Variants in WDFY4 observed in about 807,000 individuals in gnomAD.
WDFY4 encodes the protein WD repeat- and FYVE domain-containing protein 4.
WDFY4 carries 169 observed loss-of-function variants against 351.9 expected under a neutral mutation model. The ratio of observed to expected loss-of-function variants is 0.48; its 90% CI spans 0.42 to 0.55. WDFY4 has a LOEUF of 0.55. WDFY4 is among the 20% of genes least tolerant of loss of function. The pLI, the probability that WDFY4 is intolerant of heterozygous loss-of-function variation, is 0.00. For synonymous variants in WDFY4, 1,622 were observed against 1,574.6 expected (o/e 1.03, Z -0.71); for missense variants, 3,803 against 3,935.6 (o/e 0.97, Z 0.90).
intron 6 of WDFY4, among the ~76,000 whole-genome samples, chr10:48,726,684 A>G (rs2064279353): frequency 6.6e-6 from 1 of 152,194 alleles, no homozygotes. Context: ...TGGGGATAAT[A>G]ATGCTGCTGA....
intron 4 of WDFY4, among the ~76,000 whole-genome samples, chr10:48,723,144 A>C (rs1481506444): frequency 6.6e-4 from 80 of 121,178 alleles, no homozygotes; most frequent in African/African-American, 9.5e-4. Flanking sequence ...CCTCCTTTCC[A>C]CCCTCCCTCC....
At chr10:48,973,306 T>G (rs1842413733) in intron 57 of WDFY4, among the ~76,000 whole-genome samples, 1 of 152,238 alleles carries the variant, frequency 6.6e-6, no homozygotes. Context: ...TGCTTTCTCC[T>G]GCTCACTTAG....
intron 47 of WDFY4, among the ~76,000 whole-genome samples, chr10:48,930,354 T>C (rs943954523): frequency 3.3e-5 from 5 of 152,248 alleles, no homozygotes; most frequent in Admixed American, 1.3e-4. Flanking sequence ...TGTTGGTCAC[T>C]GAGTGTGTAC....
intron 1 of WDFY4, among the ~76,000 whole-genome samples, chr10:48,698,887 TG>T (rs1157412564): frequency 1.3e-5 from 2 of 152,190 alleles, no homozygotes; most frequent in East Asian, 3.8e-4. Flanking sequence ...TTGTGGCGGC[TG>T]GCAAGTTTGA....
At chr10:48,823,086 T>C (rs921595795) in intron 35 of WDFY4, 5 of 1,262,280 alleles carry the variant, frequency 4.0e-6, no homozygotes, top group African/African-American at 3.1e-5. Context: ...AGGGCCATCA[T>C]TGAATGTAGG....
intron 14 of WDFY4, among the ~76,000 whole-genome samples, chr10:48,774,873 C>A (rs570986361): frequency 9.9e-4 from 150 of 152,266 alleles, no homozygotes; most frequent in African/African-American, 3.3e-3. Flanking sequence ...AGACATAGCC[C>A]CCTCTAATGG....
intron 47 of WDFY4, among the ~76,000 whole-genome samples, chr10:48,906,816 A>C (rs76417143): frequency 0.016 from 2,512 of 152,348 alleles, 71 homozygotes; most frequent in African/African-American, 0.055. Context: ...AAGGGGAAAA[A>C]ATAGGTGTGG....
In WDFY4 at chr10:48,684,952, G is replaced by C. The variant is rs1317670321; in HGVS notation, c.-67G>C. On this transcript the variant is annotated 5_prime_UTR_variant, in exon 1 of 62. Transcript: ENST00000325239. ...GCCTGAGGGGCTGCAGCTGGGGATA[G>C]GGGGCCCATGCCTTCTGATGTCTAC... is the stretch of plus-strand genomic sequence containing the variant. The C allele has an allele frequency of 6.6e-6, 1 of 152,546 alleles. No individual in the cohort carries two copies. Among genetic ancestry groups the C allele is most frequent in the Non-Finnish European group, 1.5e-5 (1 of 68,274 alleles). 9.4% of individuals were successfully genotyped at this position (152,546 alleles called of 1,614,324 possible).
intron 1 of WDFY4, among the ~76,000 whole-genome samples, chr10:48,689,672 A>T (rs1368696141): frequency 3.9e-5 from 6 of 152,180 alleles, no homozygotes; most frequent in Admixed American, 3.9e-4. Context: ...GAGGAATGAT[A>T]CTTCTTGTTT....
At chr10:48,968,982 G>T in intron 55 of WDFY4, 82 bp from the exon 56 acceptor site, 2 of 1,412,986 alleles carry the variant, frequency 1.4e-6, no homozygotes, top group Non-Finnish European at 1.9e-6. Context: ...CAGTGTGTCT[G>T]CCTGTGACTC....
rs116436547 is a variant in WDFY4 at position 48,955,337 on chromosome 10, G to A, written c.7978-1792G>A. On this transcript the variant is annotated intron_variant, in intron 51 of 61. Transcript: ENST00000325239. ...TGCTTGAGTCAGTGTCCCTGTCCCT[G>A]TGTGGGGAATGACCCACAGATCTCA... is the stretch of plus-strand genomic sequence containing the variant. 3.8e-3 allele frequency among the ~76,000 whole-genome samples: 586 copies of A among 152,332 alleles called. 4 individuals carry two copies. The highest frequency in any genetic ancestry group is 0.014 in the African/African-American group (571 of 41,564).
Position 48,776,945 on chromosome 10 carries a change from C to T in WDFY4, c.3059C>T (p.Pro1020Leu). ...NLQPQRAALA[P>L]SFVEFDMSVE... ...CAGCCTCAGAGGGCAGCCCTGGCCC[C>T]ATCGTTTGTGGAATTTGACATGTCC... Residue 1020 changes from proline to leucine, a missense_variant, in exon 16 of 62, where the codon CCA becomes CTA. By Grantham distance (98) the Pro-to-Leu change is moderately conservative. Transcript: ENST00000325239. 2 of 1,552,336 alleles carry T rather than the reference C, an allele frequency of 1.3e-6. No individual in the cohort carries two copies. Among genetic ancestry groups the T allele is most frequent in the Non-Finnish European group, 1.7e-6 (2 of 1,147,124 alleles).
intron 37 of WDFY4, among the ~76,000 whole-genome samples, chr10:48,829,537 G>T (rs2620897): frequency 0.055 from 8,412 of 152,144 alleles, 479 homozygotes; most frequent in African/African-American, 0.15. Context: ...CACTTACCTA[G>T]TCATATGTTG....
intron 1 of WDFY4, among the ~76,000 whole-genome samples, chr10:48,696,414 G>T (rs548507615): frequency 6.6e-6 from 1 of 152,360 alleles, no homozygotes; most frequent in African/African-American, 2.4e-5. Flanking sequence ...CCCCAACACA[G>T]GCTTGGTCTT....
chr10:48,789,785 C>T, intron 21 of WDFY4, 89 bp from the exon 22 acceptor site: 1 of 1,229,464 alleles, frequency 8.1e-7, no homozygotes, highest in Non-Finnish European at 1.2e-6. Flanking sequence ...CTGGGCCAGG[C>T]CCCAGAGGGC....
At chr10:48,713,861 G>T (rs1258728054) in intron 2 of WDFY4, among the ~76,000 whole-genome samples, 1 of 152,166 alleles carries the variant, frequency 6.6e-6, no homozygotes, top group East Asian at 1.9e-4. Flanking sequence ...TAAGCAACCT[G>T]TATATTAGAA....
chr10:48,922,656 G>T (rs575644448), intron 47 of WDFY4, among the ~76,000 whole-genome samples: 1 of 152,254 alleles, frequency 6.6e-6, no homozygotes, highest in East Asian at 1.9e-4. Flanking sequence ...ATTCAATGGG[G>T]GTCTTAGAAC....
chr10:48,735,153 T>A (rs938339460), intron 10 of WDFY4, among the ~76,000 whole-genome samples: 10 of 152,220 alleles, frequency 6.6e-5, no homozygotes, highest in African/African-American at 2.4e-4. Context: ...TAGCCCATAA[T>A]TGGAAAAATC....
At chr10:48,847,979 A>T (rs1291977959) in intron 39 of WDFY4, among the ~76,000 whole-genome samples, 1 of 152,104 alleles carries the variant, frequency 6.6e-6, no homozygotes, top group Non-Finnish European at 1.5e-5. Flanking sequence ...AGCTGGAAAT[A>T]TGATTATTAC....
Sources: allele counts gnomAD v4.1 joint callset (sites outside exome capture counted in the v4.1 genomes callset), GRCh38; gene constraint gnomAD v4.1.1; transcripts MANE v1.5; gene names NCBI Gene and HGNC (gene_info 2026-07-23, HGNC 2026-07-21).